Variants in TICRR observed in about 807,000 individuals in gnomAD.
TICRR encodes treslin.
Under a neutral mutation model 178.1 loss-of-function variants are expected in TICRR, and 132 were observed. The observed-to-expected ratio is 0.74, with a 90% CI of 0.64 to 0.86. The LOEUF is 0.86. Ranked by LOEUF, TICRR falls within the 40% of genes least tolerant of loss-of-function variation. The probability of loss-of-function intolerance (pLI) is 0.00; values close to 1 mark genes in which losing one functional copy is unlikely to be tolerated. For synonymous variants in TICRR, 991 were observed against 900.7 expected, an observed-to-expected ratio of 1.10 and a Z score of -1.79; for missense variants, 2,587 against 2,334.3, an observed-to-expected ratio of 1.11 and a Z score of -2.23.
chr15:89,604,092 G>T (rs1050126903), intron 13 of TICRR, among the ~76,000 whole-genome samples: 1 of 151,982 alleles, frequency 6.6e-6, no homozygotes, highest in African/African-American at 2.4e-5. Context: ...ATGTCTCGCT[G>T]AGGAAAAAAG....
rs773227793 is a variant in TICRR, at chr15:89,624,242, T to C, written c.3932T>C (p.Leu1311Pro). The C allele has an allele frequency of 2.5e-6, 4 of 1,614,204 alleles. No homozygotes were observed. Among genetic ancestry groups the C allele is most frequent in the African/African-American group, 1.3e-5 (1 of 75,048 alleles). The stretch of plus-strand genomic sequence containing the variant: ...TCCCCACCTGTTACGCCAAAGAAAC[T>C]GTTTACCTCTCCTTTATGTGATGTC... The part of the protein sequence containing the change: ...TSSPPVTPKK[L>P]FTSPLCDVSK... Residue 1311 changes from leucine (L) to proline (P), a missense_variant, in exon 20 of 22, where the codon CTG becomes CCG. Coordinates refer to ENST00000268138, the MANE Select transcript of TICRR (RefSeq NM_152259.4).
chr15:89,621,881 C>A (rs949552608), intron 19 of TICRR, among the ~76,000 whole-genome samples: 1 of 152,074 alleles, frequency 6.6e-6, no homozygotes, highest in African/African-American at 2.4e-5. Flanking sequence ...ATTGCCCACT[C>A]CATCCAGTCA....
chr15:89,613,734 C>CTTTTTTTTTTTTT (rs34162195), intron 15 of TICRR, among the ~76,000 whole-genome samples: 3 of 61,570 alleles, frequency 4.9e-5, no homozygotes, highest in African/African-American at 7.5e-5. Context: ...TTTCTATTCG[C>CTTTTTTTTTTTTT]TTTTTTTTTT....
intron 15 of TICRR, among the ~76,000 whole-genome samples, chr15:89,611,271 T>C (rs1199583899): frequency 2.0e-5 from 3 of 152,198 alleles, no homozygotes; most frequent in African/African-American, 7.2e-5. Context: ...ACATAGAATT[T>C]TTGGTTGACA....
At chr15:89,600,555 T>C (rs1963076198) in intron 8 of TICRR, 30 bp from the exon 9 acceptor site, 3 of 1,049,878 alleles carry the variant, frequency 2.9e-6, no homozygotes, top group South Asian at 3.1e-5. Flanking sequence ...AGTAACACTA[T>C]TCTCCTATGT....
rs1332827290 is a variant in TICRR, at chr15:89,627,109, A to C, written c.*23A>C. 2.5e-6 allele frequency: 4 copies of C among 1,613,232 alleles called. No individual in the cohort carries two copies. The highest frequency in any genetic ancestry group is 3.4e-6 in the Non-Finnish European group (4 of 1,179,982). ...TAGCCACAAACATTACTGAGCCCAA[A>C]AGATCAAGGAGTCAGCCAGGACCCT... On this transcript the variant is annotated 3_prime_UTR_variant, in exon 22 of 22. Transcript: ENST00000268138.
chr15:89,625,820 G>A (rs1963512807), intron 20 of TICRR, 34 bp downstream of exon 20: 2 of 1,572,222 alleles, frequency 1.3e-6, no homozygotes, highest in Admixed American at 1.8e-5. Context: ...TTTCCTCATG[G>A]TTTCTTTTGG....
chr15:89,614,416 T>C (rs1055347214), intron 15 of TICRR, among the ~76,000 whole-genome samples: 5 of 151,788 alleles, frequency 3.3e-5, no homozygotes, highest in Non-Finnish European at 5.9e-5. Flanking sequence ...CCTGACTTCC[T>C]GGCTTAAGCA....
chr15:89,585,549 A>G (rs1276408098), intron 3 of TICRR, among the ~76,000 whole-genome samples, 159 bp from the exon 4 acceptor site: 2 of 152,204 alleles, frequency 1.3e-5, no homozygotes, highest in African/African-American at 4.8e-5. Flanking sequence ...TGTGATTAAT[A>G]AATTCCCTTC....
intron 1 of TICRR, among the ~76,000 whole-genome samples, chr15:89,579,263 C>T (rs189231301): frequency 6.6e-6 from 1 of 152,276 alleles, no homozygotes; most frequent in Admixed American, 6.5e-5. Context: ...TTGAAACTAC[C>T]ACTAGGACAT....
chr15:89,602,110 G>T (rs995577755), intron 12 of TICRR, 134 bp downstream of exon 12: 7 of 1,036,266 alleles, frequency 6.8e-6, no homozygotes, highest in Non-Finnish European at 9.6e-6. Context: ...CTGAATCAGA[G>T]AAGCCAACTA....
chr15:89,590,407 T>A (rs1962891020), intron 4 of TICRR, among the ~76,000 whole-genome samples: 1 of 152,206 alleles, frequency 6.6e-6, no homozygotes, highest in Admixed American at 6.5e-5. Context: ...GAAAATTTTG[T>A]ATTGTAGAAC....
Position 89,625,393 on chromosome 15 carries a change from G to A in TICRR, c.5083G>A (p.Gly1695Ser). Reference protein sequence around the residue: ...WPRRKRAVGCGAGSSSGRGEV... With the variant: ...WPRRKRAVGCSAGSSSGRGEV... ...CAGGAGGAAGAGGGCGGTGGGCTGT[G>A]GCGCCGGCTCCTCTTCCGGGAGGGG... The change falls in exon 20 of 22, where the codon GGC becomes AGC. Residue 1695 changes from glycine to serine, a missense_variant. Transcript: ENST00000268138. 1 of 1,613,986 alleles carries A rather than the reference G, an allele frequency of 6.2e-7. No homozygotes were observed. The highest frequency in any genetic ancestry group is 8.5e-7 in the Non-Finnish European group (1 of 1,180,000).
chr15:89,590,536 A>G (rs77641399), intron 4 of TICRR, among the ~76,000 whole-genome samples: 8 of 152,202 alleles, frequency 5.3e-5, no homozygotes. Flanking sequence ...CATGGCCCAC[A>G]GTTTCTTCCA....
intron 7 of TICRR, among the ~76,000 whole-genome samples, chr15:89,599,036 C>G (rs1268307831): frequency 2.0e-5 from 3 of 152,010 alleles, no homozygotes; most frequent in African/African-American, 7.3e-5. Flanking sequence ...AAATTAATCA[C>G]TTATCTCTGT....
Position 89,601,782 on chromosome 15 carries a change from C to T in TICRR, c.2373C>T (p.Ser791=). The change falls in exon 12 of 22, where the codon AGC becomes AGT. Residue 791 remains serine (S), a synonymous_variant. Coordinates refer to ENST00000268138, the MANE Select transcript of TICRR (RefSeq NM_152259.4). The part of the protein sequence containing the change: ...IPKTLGNLYN[S]LGFVIPQKLA... ...AGACACTTGGAAATCTTTACAACAG[C>T]CTAGGGTTTGTGATTCCTCAGAAGC... 1 of 1,614,166 alleles carries T rather than the reference C, an allele frequency of 6.2e-7. No homozygotes were observed. Among genetic ancestry groups the T allele is most frequent in the Non-Finnish European group, 8.5e-7 (1 of 1,180,018 alleles).
Position 89,576,164 on chromosome 15 carries a change from T to G in TICRR, c.578T>G (p.Leu193Trp). Residue 193 changes from leucine (L) to tryptophan (W), a missense_variant, in exon 1 of 22, where the codon TTG becomes TGG. By Grantham distance (61) the Leu-to-Trp change is moderately conservative. Transcript: ENST00000268138. Reference protein sequence around the residue: ...PTPKQVMEKLLPKRVREVMVA... With the variant: ...PTPKQVMEKLWPKRVREVMVA... ...CCTAAGCAGGTGATGGAGAAGTTGT[T>G]GCCCAAGAGAGTCCGGGAAGTCATG... 6.2e-7 allele frequency: 1 copy of G among 1,604,660 alleles called. No individual in the cohort carries two copies. The highest frequency in any genetic ancestry group is 2.2e-5 in the East Asian group (1 of 44,858).
At chr15:89,577,871 A>G (rs1364981223) in intron 1 of TICRR, among the ~76,000 whole-genome samples, 1 of 151,624 alleles carries the variant, frequency 6.6e-6, no homozygotes, top group East Asian at 1.9e-4. Flanking sequence ...TCAGCCTCCC[A>G]AAGTGCTAGG....
rs1178488594 is a variant in TICRR at position 89,625,006 on chromosome 15, C to G, written c.4696C>G (p.Gln1566Glu). 1.2e-6 allele frequency: 2 copies of G among 1,613,972 alleles called. No individual in the cohort carries two copies. The highest frequency in any genetic ancestry group is 1.7e-6 in the Non-Finnish European group (2 of 1,180,036). Reference sequence around the variant, plus strand: ...GACCTATGAGGTTGAGCTGGAGATGCAAGCTTCTGGCCTTCCCAAACTTCG... The same window carrying G: ...GACCTATGAGGTTGAGCTGGAGATGGAAGCTTCTGGCCTTCCCAAACTTCG... ...PQTYEVELEM[Q>E]ASGLPKLRIK... The change falls in exon 20 of 22, where the codon CAA becomes GAA. Residue 1566 changes from glutamine (Q) to glutamate (E), a missense_variant. Coordinates refer to ENST00000268138, the MANE Select transcript of TICRR (RefSeq NM_152259.4).
Sources: allele counts gnomAD v4.1 joint callset (sites outside exome capture counted in the v4.1 genomes callset), GRCh38; gene constraint gnomAD v4.1.1; transcripts MANE v1.5; gene names NCBI Gene and HGNC (gene_info 2026-07-23, HGNC 2026-07-21).